The following ZNF536 variants were observed in gnomAD, a reference collection of about 807,000 sequenced individuals.
ZNF536 encodes zinc finger protein 536.
ZNF536 carries 13 observed loss-of-function variants against 84.5 expected under a neutral mutation model. The ratio of observed to expected loss-of-function variants is 0.15; its 90% CI spans 0.10 to 0.24. The LOEUF (loss-of-function observed/expected upper bound fraction) is 0.24. ZNF536 is among the 10% of genes least tolerant of loss of function. ZNF536 has a pLI of 1.00. For synonymous variants in ZNF536, 811 were observed against 742.5 expected, an observed-to-expected ratio of 1.09 and a Z score of -1.50; for missense variants, 1,536 against 1,747.5, an observed-to-expected ratio of 0.88 and a Z score of 2.16.
chr19:30,708,539 G>T (rs1399333093), intron 1 of ZNF536, among the ~76,000 whole-genome samples: 1 of 152,224 alleles, frequency 6.6e-6, no homozygotes, highest in African/African-American at 2.4e-5. Flanking sequence ...GGGAGGACAG[G>T]CTGGCGGTGG....
intron 2 of ZNF536, among the ~76,000 whole-genome samples, chr19:30,323,903 C>T (rs774429533): frequency 1.3e-5 from 2 of 152,102 alleles, no homozygotes; most frequent in African/African-American, 4.8e-5. Flanking sequence ...ACCTGACCAT[C>T]CCTCTTTCCC....
At chr19:30,334,223 T>C (rs2047307228) in intron 2 of ZNF536, among the ~76,000 whole-genome samples, 2 of 152,234 alleles carry the variant, frequency 1.3e-5, no homozygotes, top group African/African-American at 2.4e-5. Flanking sequence ...GTCATGATTC[T>C]GGAAGTTTGA....
intron 1 of ZNF536, among the ~76,000 whole-genome samples, chr19:30,606,194 TAATAAAATAA>T (rs1189636743): frequency 1.8e-5 from 1 of 56,386 alleles, no homozygotes; most frequent in Non-Finnish European, 3.3e-5. Context: ...TAAAATAAAA[TAATAAAATAA>T]AATAAAATAA....
intron 1 of ZNF536, among the ~76,000 whole-genome samples, chr19:30,661,401 G>A (rs1348515563): frequency 6.6e-6 from 1 of 152,160 alleles, no homozygotes; most frequent in Non-Finnish European, 1.5e-5. Context: ...GTGGTGTCCT[G>A]CAAAGGAAAA....
intron 2 of ZNF536, among the ~76,000 whole-genome samples, chr19:30,286,236 G>A (rs1008704325): frequency 5.3e-5 from 8 of 152,238 alleles, no homozygotes; most frequent in South Asian, 2.1e-4. Flanking sequence ...ATTGTAGTGC[G>A]GGCGAGATGT....
intron 3 of ZNF536, among the ~76,000 whole-genome samples, chr19:30,360,206 G>A (rs2048230662): frequency 1.3e-5 from 2 of 152,238 alleles, no homozygotes; most frequent in South Asian, 4.1e-4. Context: ...GCTTGGGAAG[G>A]GGTCGGCTCG....
At chr19:30,390,650 G>A (rs1238471474) in intron 1 of ZNF536, among the ~76,000 whole-genome samples, 2 of 152,160 alleles carry the variant, frequency 1.3e-5, no homozygotes, top group African/African-American at 2.4e-5. Context: ...CAAATCTATC[G>A]GAGCCTGGAG....
downstream of ZNF536, among the ~76,000 whole-genome samples, chr19:30,562,697 A>G (rs538118813): frequency 6.6e-5 from 10 of 152,158 alleles, no homozygotes; most frequent in South Asian, 1.7e-3. Context: ...CTTTCTTTCA[A>G]TACATGTATC....
intron 1 of ZNF536, among the ~76,000 whole-genome samples, chr19:30,414,863 A>T (rs778909135): frequency 6.6e-6 from 1 of 152,080 alleles, no homozygotes; most frequent in Non-Finnish European, 1.5e-5. Context: ...CTTGCACTTG[A>T]TGCTACATAT....
chr19:30,227,547 T>A (rs1157272196), upstream of ZNF536, among the ~76,000 whole-genome samples: 2 of 152,184 alleles, frequency 1.3e-5, no homozygotes, highest in Admixed American at 6.5e-5. Flanking sequence ...CGTTTTCACT[T>A]TAGCAGAAAA....
At chr19:30,555,361 G>A (rs541207301) in intron 4 of ZNF536, 8 of 152,316 alleles carry the variant, frequency 5.3e-5, no homozygotes, top group African/African-American at 9.6e-5. Context: ...GGTCACAATC[G>A]TCCCTTAAGC....
intron 1 of ZNF536, among the ~76,000 whole-genome samples, chr19:30,235,304 G>A (rs868290076): frequency 6.6e-5 from 10 of 152,184 alleles, no homozygotes; most frequent in African/African-American, 1.2e-4. Context: ...CAGGAGGCGC[G>A]TGTCTCAGCC....
rs778298749 is a variant in ZNF536, at chr19:30,677,914, C to T, written c.170-32843C>T. The stretch of plus-strand genomic sequence containing the variant: ...AGGGGATGGGGTGAACGGGAGGCAC[C>T]CTGATGGGCACAGGTAGCCCCCAGC... On this transcript the variant is annotated intron_variant, in intron 1 of 1. Coordinates refer to the ZNF536 transcript ENST00000592773. Among the ~76,000 whole-genome samples, 4 of 152,200 alleles carry T rather than the reference C, an allele frequency of 2.6e-5. No homozygotes were observed. In the South Asian group the frequency reaches 8.3e-4, roughly 32 times the overall value.
intron 4 of ZNF536, among the ~76,000 whole-genome samples, chr19:30,550,703 A>G (rs1288762675): frequency 2.0e-5 from 3 of 152,220 alleles, no homozygotes; most frequent in Non-Finnish European, 4.4e-5. Context: ...GTTTAAGCAC[A>G]GAGAAGAATT....
chr19:30,467,968 C>A (rs557031542), intron 2 of ZNF536, among the ~76,000 whole-genome samples: 2 of 152,214 alleles, frequency 1.3e-5, no homozygotes, highest in Non-Finnish European at 2.9e-5. Flanking sequence ...CTCTGCCATC[C>A]GGGAAGGAGG....
chr19:30,608,757 T>C (rs1169671268), intron 1 of ZNF536, among the ~76,000 whole-genome samples: 5 of 152,214 alleles, frequency 3.3e-5, no homozygotes, highest in African/African-American at 1.2e-4. Flanking sequence ...GGTGAACTTA[T>C]GTTGTGGAAA....
chr19:30,639,721 T>C (rs945387344), intron 1 of ZNF536, among the ~76,000 whole-genome samples: 1 of 152,210 alleles, frequency 6.6e-6, no homozygotes, highest in Non-Finnish European at 1.5e-5. Context: ...AACTTCTGCC[T>C]TACAAAGCCC....
chr19:30,533,095 G>A (rs552175397), intron 2 of ZNF536, among the ~76,000 whole-genome samples: 1 of 152,288 alleles, frequency 6.6e-6, no homozygotes, highest in East Asian at 1.9e-4. Flanking sequence ...GGGGAGAATA[G>A]GATTAAAGTG....
At chr19:30,521,241 G>A (rs140829614) in intron 2 of ZNF536, among the ~76,000 whole-genome samples, 3 of 152,222 alleles carry the variant, frequency 2.0e-5, no homozygotes, top group African/African-American at 7.2e-5. Context: ...AGTGGCCCGT[G>A]TGTCTCCCTG....
Sources: gnomAD v4.1 joint callset for allele counts (sites outside exome capture counted in the v4.1 genomes callset) on GRCh38, gnomAD v4.1.1 for gene constraint, MANE v1.5 for transcripts, NCBI Gene and HGNC (gene_info 2026-07-23, HGNC 2026-07-21) for gene names.